Variants in SIRT1 observed in about 807,000 individuals in gnomAD.
SIRT1 encodes NAD-dependent protein deacetylase sirtuin-1.
A neutral mutation model predicts 67.9 loss-of-function variants in SIRT1; 24 were observed. That is an observed-to-expected ratio of 0.35 (90% CI 0.26 to 0.50). SIRT1 has a LOEUF of 0.50. Among genes scored for constraint, SIRT1 ranks in the 20% least tolerant of loss-of-function variants. SIRT1 has a pLI of 0.98. For synonymous variants in SIRT1, 378 were observed against 350.7 expected (o/e 1.08, Z -0.87); for missense variants, 873 against 937.2 (o/e 0.93, Z 0.89).
At chr10:67,900,557 G>C (rs1842726312) in intron 4 of SIRT1, among the ~76,000 whole-genome samples, 1 of 152,140 alleles carries the variant, frequency 6.6e-6, no homozygotes, top group Admixed American at 6.6e-5. Flanking sequence ...TGATTCTCCT[G>C]TCTCAGCCTC....
chr10:67,894,430 C>T (rs1385127048), intron 4 of SIRT1, among the ~76,000 whole-genome samples: 1 of 152,098 alleles, frequency 6.6e-6, no homozygotes, highest in East Asian at 1.9e-4. Context: ...TAACCTACTC[C>T]TGCTAGTGGC....
In SIRT1 at chr10:67,917,597, C is replaced by T. The variant is rs199737066; in HGVS notation, c.*1004C>T. Reference sequence around the variant, plus strand: ...TTCCATTAATGAGGAGAGCAACAGGCCCCTGATTATACAGTTCCAAAGTAA... The same window carrying T: ...TTCCATTAATGAGGAGAGCAACAGGTCCCTGATTATACAGTTCCAAAGTAA... On this transcript the variant is annotated 3_prime_UTR_variant, in exon 9 of 9. Transcript: ENST00000212015. 1 of 152,498 alleles carries T rather than the reference C, an allele frequency of 6.6e-6. No homozygotes were observed. The highest frequency in any genetic ancestry group is 2.4e-5 in the African/African-American group (1 of 41,408). 9.4% of individuals were successfully genotyped at this position (152,498 alleles called of 1,614,324 possible).
intron 7 of SIRT1, 114 bp from the exon 8 acceptor site, chr10:67,912,360 T>G: frequency 1.1e-6 from 1 of 906,852 alleles, no homozygotes; most frequent in Non-Finnish European, 1.7e-6. Context: ...TGGGTCTTTT[T>G]TGGGAATTTG....
At chr10:67,885,516 T>G (rs1842463853) in intron 1 of SIRT1, 1 of 699,410 alleles carries the variant, frequency 1.4e-6, no homozygotes, top group Non-Finnish European at 1.8e-6. Context: ...TTTTCATTGC[T>G]TTTCTCCTCT....
At chr10:67,890,764 C>T (rs1157317743) in intron 3 of SIRT1, among the ~76,000 whole-genome samples, 1 of 151,682 alleles carries the variant, frequency 6.6e-6, no homozygotes, top group Non-Finnish European at 1.5e-5. Context: ...GGCGCGGTGG[C>T]TCACACCTGT....
Position 67,917,443 on chromosome 10 carries a change from A to G in SIRT1, c.*850A>G, listed in dbSNP as rs2029957179. On this transcript the variant is annotated 3_prime_UTR_variant, in exon 9 of 9. Coordinates refer to ENST00000212015, the MANE Select transcript of SIRT1 (RefSeq NM_012238.5). Reference sequence around the variant, plus strand: ...TGCCATTGTTGTTTAAATACCTATCACTGTGGTAGAGCTTGCATTGATCTT... The same window carrying G: ...TGCCATTGTTGTTTAAATACCTATCGCTGTGGTAGAGCTTGCATTGATCTT... 6.6e-6 allele frequency: 1 copy of G among 152,576 alleles called. No homozygotes were observed. The highest frequency in any genetic ancestry group is 1.9e-4 in the East Asian group (1 of 5,202). The allele number at this position is 152,576 out of a possible 1,614,324, so 9.5% of individuals were successfully genotyped here.
At chr10:67,911,269 C>T (rs775791311) in intron 7 of SIRT1, among the ~76,000 whole-genome samples, 2 of 152,206 alleles carry the variant, frequency 1.3e-5, no homozygotes, top group African/African-American at 2.4e-5. Context: ...TTTCAGCTCA[C>T]TGCAGCCTTC....
Position 67,916,460 on chromosome 10 carries a change from A to C in SIRT1, c.2111A>C (p.Asp704Ala), listed in dbSNP as rs151026272. Reference sequence around the variant, plus strand: ...GAAGAATTCTACAATGGCTTAGAAGATGAGCCTGATGTTCCAGAGAGAGCT... The same window carrying C: ...GAAGAATTCTACAATGGCTTAGAAGCTGAGCCTGATGTTCCAGAGAGAGCT... ...EIEEFYNGLE[D>A]EPDVPERAGG... The change falls in exon 9 of 9, where the codon GAT (aspartate) becomes GCT (alanine). Residue 704 changes from aspartate (D) to alanine (A), a missense_variant. Transcript: ENST00000212015. The C allele has an allele frequency of 2.4e-5, 39 of 1,614,082 alleles. No individual in the cohort carries two copies. The highest frequency in any genetic ancestry group is 3.1e-5 in the Non-Finnish European group (37 of 1,180,042).
Position 67,909,365 on chromosome 10 carries a change from A to G in SIRT1, c.1280A>G (p.Lys427Arg), listed in dbSNP as rs1842866000. 6.2e-7 allele frequency: 1 copy of G among 1,613,826 alleles called. No homozygotes were observed. Among genetic ancestry groups the G allele is most frequent in the African/African-American group, 1.3e-5 (1 of 74,906 alleles). The change falls in exon 7 of 9, where the codon AAG (lysine) becomes AGG (arginine). Residue 427 changes from lysine to arginine, a missense_variant. Transcript: ENST00000212015. ...NLPEQFHRAM[K>R]YDKDEVDLLI... The stretch of plus-strand genomic sequence containing the variant: ...CCAGAACAGTTTCATAGAGCCATGA[A>G]GTATGACAAAGATGAAGTTGACCTC...
chr10:67,888,954 C>A lies in SIRT1; in HGVS notation c.620C>A (p.Pro207Gln). The change falls in exon 3 of 9, where the codon CCG (proline) becomes CAG (glutamine). Residue 207 changes from proline to glutamine, a missense_variant. Physicochemically the swap from Pro to Gln is moderately conservative, Grantham distance 76. Coordinates refer to ENST00000212015, the MANE Select transcript of SIRT1 (RefSeq NM_012238.5). ...DPRTILKDLL[P>Q]ETIPPPELDD... ...CGAACAATTCTTAAAGATTTATTGC[C>A]GGAAACAATACCTCCACCTGAGTTG... is the stretch of plus-strand genomic sequence containing the variant. 1 of 1,613,670 alleles carries A rather than the reference C, an allele frequency of 6.2e-7. No homozygotes were observed. Among genetic ancestry groups the A allele is most frequent in the East Asian group, 2.2e-5 (1 of 44,844 alleles).
chr10:67,899,227 G>C (rs973790627), intron 4 of SIRT1, among the ~76,000 whole-genome samples: 3 of 151,530 alleles, frequency 2.0e-5, no homozygotes, highest in Non-Finnish European at 4.4e-5. Context: ...GGATTTAGCT[G>C]ATTTGGCTGA....
At position 67,887,375 on chromosome 10, in the gene SIRT1, A is replaced by AT. The variant is rs755506026; in HGVS notation, c.431-41dup. The AT allele has an allele frequency of 3.2e-6, 4 of 1,235,264 alleles. No homozygotes were observed. In the African/African-American group the frequency reaches 5.9e-5, roughly 18 times the overall value. The allele number at this position is 1,235,264 out of a possible 1,614,324, so 76.5% of individuals were successfully genotyped here. On this transcript the variant is annotated intron_variant, in intron 1 of 8. Transcript: ENST00000212015. The stretch of plus-strand genomic sequence containing the variant: ...ATAACCGTTCATACATTTTAGGTGC[A>AT]TGTTGTTTTGATAGCCTTGACTGAC...
intron 4 of SIRT1, among the ~76,000 whole-genome samples, chr10:67,895,708 G>T (rs116300691): frequency 8.2e-6 from 1 of 121,890 alleles, no homozygotes; most frequent in African/African-American, 2.9e-5. Flanking sequence ...ATCATTGATT[G>T]TATGTGATTA....
chr10:67,887,091 C>T (rs567281102), intron 1 of SIRT1, among the ~76,000 whole-genome samples: 14 of 151,464 alleles, frequency 9.2e-5, no homozygotes, highest in African/African-American at 3.4e-4. Context: ...AGGCTGGTCT[C>T]GAATTCTCAA....
rs750895479 is a variant in SIRT1, at chr10:67,908,102, G to C, written c.1147G>C (p.Val383Leu). 1 of 1,613,390 alleles carries C rather than the reference G, an allele frequency of 6.2e-7. No homozygotes were observed. Among genetic ancestry groups the C allele is most frequent in the Non-Finnish European group, 8.5e-7 (1 of 1,179,674 alleles). ...ICKYKVDCEA[V>L]RGDIFNQVVP... The stretch of plus-strand genomic sequence containing the variant: ...TAAATACAAAGTTGACTGTGAAGCT[G>C]TACGAGGAGATATTTTTAATCAGGT... Residue 383 changes from valine (V) to leucine (L), a missense_variant, in exon 6 of 9, where the codon GTA (valine) becomes CTA (leucine). Val to Leu is a conservative substitution (Grantham distance 32). This residue lies in a region of SIRT1 where 251 missense variants were observed against 358.8 expected (regional missense o/e 0.70). Coordinates refer to ENST00000212015, the MANE Select transcript of SIRT1 (RefSeq NM_012238.5).
chr10:67,902,895 G>C (rs1842764366), intron 4 of SIRT1, among the ~76,000 whole-genome samples: 1 of 152,160 alleles, frequency 6.6e-6, no homozygotes. Flanking sequence ...TGGAGTTTGA[G>C]ACCAGCCTGG....
chr10:67,909,230 C>A (rs570494492), intron 6 of SIRT1, 26 bp from the exon 7 acceptor site: 3 of 1,544,768 alleles, frequency 1.9e-6, no homozygotes, highest in South Asian at 1.3e-5. Flanking sequence ...GCTTCTCTAC[C>A]TCAACCAAAA....
intron 2 of SIRT1, among the ~76,000 whole-genome samples, chr10:67,888,295 T>A (rs372616991): frequency 6.6e-6 from 1 of 152,202 alleles, no homozygotes; most frequent in South Asian, 2.1e-4. Flanking sequence ...CTCTTTGGTG[T>A]CTGTAATTTA....
At chr10:67,886,954 C>T (rs183715945) in intron 1 of SIRT1, among the ~76,000 whole-genome samples, 13 of 152,062 alleles carry the variant, frequency 8.5e-5, no homozygotes, top group Admixed American at 7.9e-4. Flanking sequence ...TCACCGCAAC[C>T]TCCGCTTCCC....
Sources: allele counts gnomAD v4.1 joint callset (sites outside exome capture counted in the v4.1 genomes callset), GRCh38; gene constraint gnomAD v4.1.1; regional missense constraint gnomAD v4.1.1; transcripts MANE v1.5; gene names NCBI Gene and HGNC (gene_info 2026-07-23, HGNC 2026-07-21).